The following TMC7 variants were observed in gnomAD, a reference collection of about 807,000 sequenced individuals.
TMC7 encodes the protein transmembrane channel like 7, also known as transmembrane channel-like protein 7.
In TMC7, 54 loss-of-function variants were observed where a neutral mutation model predicts 82.9. That is an observed-to-expected ratio of 0.65 (90% CI 0.52 to 0.82). The LOEUF (loss-of-function observed/expected upper bound fraction) is 0.82, where lower values mean the gene tolerates loss of function less well. Ranked by LOEUF, TMC7 falls within the 40% of genes least tolerant of loss-of-function variation. TMC7 has a pLI of 0.00. For missense variants in TMC7, 820 were observed against 901.2 expected, an observed-to-expected ratio of 0.91 and a Z score of 1.15; for synonymous variants, 350 against 337.9, an observed-to-expected ratio of 1.04 and a Z score of -0.39.
At chr16:19,041,661 C>T (rs1445209193) in intron 9 of TMC7, among the ~76,000 whole-genome samples, 2 of 152,164 alleles carry the variant, frequency 1.3e-5, no homozygotes, top group African/African-American at 2.4e-5. Flanking sequence ...CGTGAGCCAC[C>T]GTGCCCAGCC....
At chr16:19,030,906 C>A (rs1960487177) in intron 6 of TMC7, among the ~76,000 whole-genome samples, 1 of 152,066 alleles carries the variant, frequency 6.6e-6, no homozygotes, top group South Asian at 2.1e-4. Context: ...CTGAACACAT[C>A]TGGCAATCCC....
At position 19,037,864 on chromosome 16, in the gene TMC7, T is replaced by C; in HGVS notation, c.1006-10T>C. On this transcript the variant is annotated splice_polypyrimidine_tract_variant and intron_variant, in intron 7 of 15. Transcript: ENST00000304381. ...CCACTGCTCACAAGTGAATTTTCTTTTATCTTCAGGCAGATCTGGAGGAAG... is the reference window on the plus strand; with the variant it reads ...CCACTGCTCACAAGTGAATTTTCTTCTATCTTCAGGCAGATCTGGAGGAAG... 6.2e-7 allele frequency: 1 copy of C among 1,608,626 alleles called. No homozygotes were observed. Among genetic ancestry groups the C allele is most frequent in the Non-Finnish European group, 8.5e-7 (1 of 1,177,914 alleles).
At chr16:19,054,253 C>T (rs573433477) in intron 13 of TMC7, among the ~76,000 whole-genome samples, 2 of 151,964 alleles carry the variant, frequency 1.3e-5, no homozygotes, top group African/African-American at 2.4e-5. Context: ...TTTAAATCTA[C>T]AGAAAAGCTG....
At chr16:18,988,053 C>T (rs942358736) in intron 1 of TMC7, among the ~76,000 whole-genome samples, 1 of 152,096 alleles carries the variant, frequency 6.6e-6, no homozygotes, top group Non-Finnish European at 1.5e-5. Flanking sequence ...TCTGCAGTCT[C>T]AAACTCCTAG....
intron 5 of TMC7, among the ~76,000 whole-genome samples, chr16:19,023,457 A>T (rs906410874): frequency 1.3e-5 from 2 of 151,698 alleles, no homozygotes; most frequent in African/African-American, 2.4e-5. Context: ...TATTATTATT[A>T]TTTTTTTGAG....
chr16:19,030,439 C>G (rs984530453), intron 6 of TMC7, 70 bp downstream of exon 6: 30 of 1,522,578 alleles, frequency 2.0e-5, no homozygotes, highest in Non-Finnish European at 2.6e-5. Context: ...TATGGGAGCT[C>G]TGGAAGCCAT....
At chr16:19,009,553 A>G (rs898486210) in intron 2 of TMC7, 138 bp downstream of exon 2, 8 of 1,121,394 alleles carry the variant, frequency 7.1e-6, no homozygotes, top group Middle Eastern at 2.9e-4. Context: ...TCTTTGACAA[A>G]CATACCTGAA....
At chr16:18,991,552 G>A (rs2038951477) in intron 1 of TMC7, among the ~76,000 whole-genome samples, 1 of 152,062 alleles carries the variant, frequency 6.6e-6, no homozygotes, top group African/African-American at 2.4e-5. Flanking sequence ...GAATTGCAAA[G>A]CCAGCAATTG....
intron 9 of TMC7, 24 bp from the exon 10 acceptor site, chr16:19,044,860 T>C (rs746436855): frequency 6.1e-6 from 9 of 1,466,564 alleles, no homozygotes; most frequent in Middle Eastern, 1.9e-4. Context: ...CATCTTCCCA[T>C]CCTCTCTCCT....
At chr16:19,044,768 C>CAAAAAAA (rs1165792461) in intron 9 of TMC7, 116 bp from the exon 10 acceptor site, 15 of 292,968 alleles carry the variant, frequency 5.1e-5, no homozygotes, top group East Asian at 1.3e-4. Context: ...CACTCCATCT[C>CAAAAAAA]AAAAAAAAAA....
At chr16:18,989,134 G>A (rs1385757663) in intron 1 of TMC7, among the ~76,000 whole-genome samples, 2 of 151,760 alleles carry the variant, frequency 1.3e-5, no homozygotes, top group Non-Finnish European at 2.9e-5. Flanking sequence ...TGTTAAACTT[G>A]AAGACAAATA....
At chr16:19,059,809 T>A in intron 15 of TMC7, 1 of 779,166 alleles carries the variant, frequency 1.3e-6, no homozygotes, top group Non-Finnish European at 2.0e-6. Flanking sequence ...AAACCCCGTC[T>A]CTACTAAAAA....
chr16:19,036,103 C>A (rs1043586667), intron 7 of TMC7, among the ~76,000 whole-genome samples: 1 of 152,132 alleles, frequency 6.6e-6, no homozygotes, highest in Admixed American at 6.6e-5. Context: ...CACCCTGCTA[C>A]TTTACACTGT....
At chr16:18,994,946 C>T (rs1273036079) in intron 1 of TMC7, among the ~76,000 whole-genome samples, 2 of 151,264 alleles carry the variant, frequency 1.3e-5, no homozygotes, top group Non-Finnish European at 2.9e-5. Context: ...GATCCGTTGC[C>T]AAGGCGGGAG....
rs570463168 is a variant in TMC7, at chr16:19,062,001, C to T, written c.*158C>T. 2.0e-5 allele frequency: 10 copies of T among 494,856 alleles called. No individual in the cohort carries two copies. The East Asian group carries it at 3.4e-4, about 17-fold the overall frequency. 30.7% of individuals were successfully genotyped at this position (494,856 alleles called of 1,614,324 possible). ...TATGTGCAGCTGTGTTTACCTAACCCAGCCCTTAATTAGGGCTTCAGTGAC... is the reference window on the plus strand; with the variant it reads ...TATGTGCAGCTGTGTTTACCTAACCTAGCCCTTAATTAGGGCTTCAGTGAC... On this transcript the variant is annotated 3_prime_UTR_variant, in exon 16 of 16. Transcript: ENST00000304381.
intron 1 of TMC7, among the ~76,000 whole-genome samples, chr16:18,988,039 T>G (rs561186763): frequency 1.3e-5 from 2 of 152,132 alleles, no homozygotes; most frequent in Non-Finnish European, 2.9e-5. Context: ...AGACAGGGTT[T>G]CCTTCTGCAG....
intron 8 of TMC7, among the ~76,000 whole-genome samples, chr16:19,039,716 C>T (rs531768534): frequency 5.9e-5 from 9 of 152,162 alleles, no homozygotes; most frequent in Non-Finnish European, 1.3e-4. Context: ...TTAAATTGCC[C>T]GTTTATACAG....
Position 19,009,259 on chromosome 16 carries a change from G to C in TMC7, c.155G>C (p.Arg52Thr). The change falls in exon 2 of 16, where the codon AGG becomes ACG. Residue 52 changes from arginine to threonine, a missense_variant. Transcript: ENST00000304381. ...ELPSYRSIAR[R>T]RTTVHSRDKQ... is the part of the protein sequence containing the mutation. Reference sequence around the variant, plus strand: ...CCAAGCTACCGGTCCATTGCACGTAGGAGAACGACTGTCCATTCCCGGGAC... The same window carrying C: ...CCAAGCTACCGGTCCATTGCACGTACGAGAACGACTGTCCATTCCCGGGAC... The C allele has an allele frequency of 1.2e-6, 2 of 1,614,190 alleles. No individual in the cohort carries two copies. Among genetic ancestry groups the C allele is most frequent in the South Asian group, 1.1e-5 (1 of 91,092 alleles).
chr16:19,006,420 G>A (rs914260241), intron 1 of TMC7, among the ~76,000 whole-genome samples: 5 of 152,138 alleles, frequency 3.3e-5, no homozygotes, highest in Non-Finnish European at 7.4e-5. Context: ...CCAACCTCAG[G>A]TGATCCCCTT....
Sources: allele counts gnomAD v4.1 joint callset (sites outside exome capture counted in the v4.1 genomes callset), GRCh38; gene constraint gnomAD v4.1.1; transcripts MANE v1.5; gene names NCBI Gene and HGNC (gene_info 2026-07-23, HGNC 2026-07-21).